Variants in USP33 observed in about 807,000 individuals in gnomAD.
USP33 encodes ubiquitin carboxyl-terminal hydrolase 33.
Under a neutral mutation model 124.2 loss-of-function variants are expected in USP33, and 46 were observed. The ratio of observed to expected loss-of-function variants is 0.37; its 90% confidence interval spans 0.29 to 0.47. The LOEUF (loss-of-function observed/expected upper bound fraction) is 0.47, where lower values mean the gene tolerates loss of function less well. Ranked by LOEUF, USP33 falls within the 20% of genes least tolerant of loss-of-function variation. The pLI is 0.99. For missense variants in USP33, 851 were observed against 1,070.6 expected (o/e 0.79, Z 2.86); for synonymous variants, 350 against 352.3 (o/e 0.99, Z 0.07).
chr1:77,751,813 T>C (rs1365209454), intron 1 of USP33, among the ~76,000 whole-genome samples: 2 of 151,810 alleles, frequency 1.3e-5, no homozygotes, highest in African/African-American at 2.4e-5. Flanking sequence ...CTCAGCCTCC[T>C]GAGTAGCTGG....
In USP33 at chr1:77,711,737, A is replaced by G. The variant is rs139619619; in HGVS notation, c.2406+10T>C. ...ATCCTAGATCAATTTGAAAAGCATC[A>G]CTTTTTTACCCGAATAAAAATTTCC... On this transcript the variant is annotated intron_variant, in intron 21 of 23. Transcript: ENST00000370794. 9 of 1,599,340 alleles carry G rather than the reference A, an allele frequency of 5.6e-6. No individual in the cohort carries two copies. Among genetic ancestry groups the G allele is most frequent in the Non-Finnish European group, 7.6e-6 (9 of 1,176,854 alleles).
chr1:77,755,670 G>A (rs1429616069), intron 1 of USP33, among the ~76,000 whole-genome samples: 4 of 152,206 alleles, frequency 2.6e-5, no homozygotes, highest in African/African-American at 4.8e-5. Flanking sequence ...TGCACGCCAG[G>A]CTGGGCAAGA....
intron 1 of USP33, among the ~76,000 whole-genome samples, chr1:77,742,049 ACT>A (rs913597578): frequency 6.6e-6 from 1 of 151,932 alleles, no homozygotes; most frequent in African/African-American, 2.4e-5. Context: ...CTCTCATTTC[ACT>A]TTTTATAGAT....
intron 1 of USP33, among the ~76,000 whole-genome samples, chr1:77,753,234 T>C (rs909744188): frequency 6.6e-6 from 1 of 152,126 alleles, no homozygotes; most frequent in African/African-American, 2.4e-5. Flanking sequence ...CTTGAAGAAG[T>C]AGCAATTCCT....
At chr1:77,725,239 A>G (rs1012676141) in intron 11 of USP33, among the ~76,000 whole-genome samples, 1 of 152,190 alleles carries the variant, frequency 6.6e-6, no homozygotes, top group African/African-American at 2.4e-5. Context: ...GGAAAAGGCA[A>G]AACAATAAGA....
Position 77,712,022 on chromosome 1 carries a change from G to A in USP33, c.2298-167C>T, listed in dbSNP as rs906345217. ...TGTTATTATGTTTATTAAGGTCAGTGACTTTATCAGTTTATTGCTTAACCT... is the reference window on the plus strand; with the variant it reads ...TGTTATTATGTTTATTAAGGTCAGTAACTTTATCAGTTTATTGCTTAACCT... On this transcript the variant is annotated intron_variant, in intron 20 of 23. Transcript: ENST00000370794. Among the ~76,000 whole-genome samples, 4 of 152,276 alleles carry A rather than the reference G, an allele frequency of 2.6e-5. No individual in the cohort carries two copies. The East Asian group carries it at 5.8e-4, about 22-fold the overall frequency.
At chr1:77,728,208 A>G in intron 10 of USP33, 87 bp downstream of exon 10, 1 of 1,350,164 alleles carries the variant, frequency 7.4e-7, no homozygotes, top group Non-Finnish European at 1.0e-6. Context: ...AATTCTAATT[A>G]GAAATACCCA....
At chr1:77,758,504 T>G (rs1026513429) in intron 1 of USP33, among the ~76,000 whole-genome samples, 9 of 152,232 alleles carry the variant, frequency 5.9e-5, no homozygotes, top group Non-Finnish European at 1.2e-4. Context: ...GCCAAAGTAA[T>G]GAAATAATAC....
chr1:77,743,368 T>C (rs1028375940), intron 1 of USP33, among the ~76,000 whole-genome samples: 1 of 152,182 alleles, frequency 6.6e-6, no homozygotes. Flanking sequence ...TTTGTGTAAA[T>C]ACATTTTTTT....
Position 77,722,043 on chromosome 1 carries a change from A to G in USP33, c.1543T>C (p.Phe515Leu). ...AYAPQGWIAF[F>L]MEYVKRFVVS... is the part of the protein sequence containing the mutation. ...ACATACCTCTTCACATATTCCATGA[A>G]AAAAGCTATCCACCCTTGTGGAGCA... Residue 515 changes from phenylalanine (F) to leucine (L), a missense_variant, in exon 13 of 24, where the codon TTC (phenylalanine) becomes CTC (leucine). By Grantham distance (22) the Phe-to-Leu change is conservative. Transcript: ENST00000370794. 6.2e-7 allele frequency: 1 copy of G among 1,612,840 alleles called. No homozygotes were observed. Among genetic ancestry groups the G allele is most frequent in the Non-Finnish European group, 8.5e-7 (1 of 1,179,610 alleles).
chr1:77,744,358 A>G (rs972170718), intron 1 of USP33, among the ~76,000 whole-genome samples: 1 of 152,184 alleles, frequency 6.6e-6, no homozygotes, highest in African/African-American at 2.4e-5. Flanking sequence ...ATGACAGAAC[A>G]AAGATAGACT....
At chr1:77,748,784 C>G (rs376201032) in intron 1 of USP33, among the ~76,000 whole-genome samples, 4 of 87,932 alleles carry the variant, frequency 4.5e-5, no homozygotes, top group South Asian at 5.5e-4. Flanking sequence ...TTCCCTCCCC[C>G]CCCCCCCCGT....
At chr1:77,729,444 G>T (rs1399615362) in intron 9 of USP33, among the ~76,000 whole-genome samples, 1 of 151,932 alleles carries the variant, frequency 6.6e-6, no homozygotes, top group Non-Finnish European at 1.5e-5. Context: ...GCCGAGGAGG[G>T]TGGATTACCT....
chr1:77,728,356 A>C lies in USP33; in HGVS notation c.1074T>G (p.Ser358=). The C allele has an allele frequency of 6.2e-7, 1 of 1,611,466 alleles. No homozygotes were observed. Among genetic ancestry groups the C allele is most frequent in the Non-Finnish European group, 8.5e-7 (1 of 1,179,456 alleles). ...CCTGGTTGTTTAAGTCGACTGTTTC[A>C]GATATAGAGTCTCTATCTTTATCAA... ...GEFDKDRDSI[S]ETVDLNNQET... is the part of the protein sequence containing the mutation. Residue 358 remains serine (S), a synonymous_variant, in exon 10 of 24, where the codon TCT becomes TCG. Transcript: ENST00000370794.
chr1:77,739,773 C>T (rs1416931089), intron 4 of USP33, among the ~76,000 whole-genome samples: 1 of 152,140 alleles, frequency 6.6e-6, no homozygotes, highest in Non-Finnish European at 1.5e-5. Context: ...GGCAAAAGAA[C>T]ACAAATGACA....
At chr1:77,730,347 A>C (rs1336402480) in intron 8 of USP33, among the ~76,000 whole-genome samples, 1 of 152,176 alleles carries the variant, frequency 6.6e-6, no homozygotes, top group African/African-American at 2.4e-5. Flanking sequence ...CTGAATGCAA[A>C]ACTCTAAAGT....
chr1:77,740,354 CTT>C (rs772557695), intron 4 of USP33, among the ~76,000 whole-genome samples: 15 of 142,994 alleles, frequency 1.0e-4, no homozygotes, highest in Admixed American at 2.8e-4. Context: ...TGGATATACA[CTT>C]TTTTTTTTTT....
At chr1:77,716,586 T>C (rs1675934206) in intron 17 of USP33, among the ~76,000 whole-genome samples, 1 of 152,184 alleles carries the variant, frequency 6.6e-6, no homozygotes, top group Non-Finnish European at 1.5e-5. Flanking sequence ...GTAATTGATA[T>C]TGCAAACCTC....
intron 1 of USP33, among the ~76,000 whole-genome samples, chr1:77,752,040 C>A (rs1412096377): frequency 6.6e-6 from 1 of 151,968 alleles, no homozygotes; most frequent in African/African-American, 2.4e-5. Context: ...TCTCCAAATT[C>A]CAGGTTGAAA....
Sources: gnomAD v4.1 joint callset for allele counts (sites outside exome capture counted in the v4.1 genomes callset) on GRCh38, gnomAD v4.1.1 for gene constraint, MANE v1.5 for transcripts, NCBI Gene and HGNC (gene_info 2026-07-23, HGNC 2026-07-21) for gene names.